Variants in NEGR1 observed in about 807,000 individuals in gnomAD.
NEGR1 encodes the protein IgLON family member 4.
In NEGR1, 10 loss-of-function variants were observed where a neutral mutation model predicts 40.9. The ratio of observed to expected loss-of-function variants is 0.24; its 90% confidence interval spans 0.15 to 0.42. The LOEUF (loss-of-function observed/expected upper bound fraction) is 0.42. NEGR1 is among the 10% of genes least tolerant of loss of function. The pLI, the probability that NEGR1 is intolerant of heterozygous loss-of-function variation, is 1.00. For missense variants in NEGR1, 352 were observed against 438.9 expected, an observed-to-expected ratio of 0.80 and a Z score of 1.77; for synonymous variants, 185 against 166.8, an observed-to-expected ratio of 1.11 and a Z score of -0.84.
intron 3 of NEGR1, among the ~76,000 whole-genome samples, chr1:71,709,435 A>G (rs926899579): frequency 2.6e-5 from 4 of 152,154 alleles, no homozygotes; most frequent in African/African-American, 9.7e-5. Flanking sequence ...TGTCGGCCAC[A>G]TGTATGTCTT....
chr1:71,870,910 T>C (rs1660260837), intron 2 of NEGR1, among the ~76,000 whole-genome samples: 1 of 152,246 alleles, frequency 6.6e-6, no homozygotes, highest in South Asian at 2.1e-4. Context: ...AGATTTTGTA[T>C]GTGCCTTGCC....
At chr1:71,761,482 A>G (rs1196977744) in intron 3 of NEGR1, among the ~76,000 whole-genome samples, 1 of 152,170 alleles carries the variant, frequency 6.6e-6, no homozygotes, top group Non-Finnish European at 1.5e-5. Flanking sequence ...CTACTTTGGA[A>G]ACTATTTTGT....
chr1:71,425,709 G>A (rs1646424568), intron 6 of NEGR1, among the ~76,000 whole-genome samples: 1 of 151,980 alleles, frequency 6.6e-6, no homozygotes, highest in South Asian at 2.1e-4. Context: ...CTAATCCTGG[G>A]AAGCATATAA....
At chr1:71,668,713 A>G (rs7521469) in intron 4 of NEGR1, among the ~76,000 whole-genome samples, 87,125 of 151,812 alleles carry the variant, frequency 0.57, 25,097 homozygotes, top group African/African-American at 0.63. Flanking sequence ...ACCCAGGAAA[A>G]GAACAAAAAA....
chr1:71,969,594 C>T (rs1646239479), intron 1 of NEGR1, among the ~76,000 whole-genome samples: 2 of 152,170 alleles, frequency 1.3e-5, no homozygotes, highest in South Asian at 4.1e-4. Flanking sequence ...TCTCAGTGTG[C>T]TTCCACACTT....
chr1:71,996,865 T>C (rs142875334), intron 1 of NEGR1, among the ~76,000 whole-genome samples: 71 of 152,226 alleles, frequency 4.7e-4, no homozygotes, highest in African/African-American at 1.6e-3. Context: ...GATCTCTCAA[T>C]TGACCTTTTC....
In NEGR1 at chr1:71,399,029, C is replaced by A. The variant is rs1163874662; in HGVS notation, c.*8417G>T. 6.6e-6 allele frequency: 1 copy of A among 152,410 alleles called. No homozygotes were observed. Among genetic ancestry groups the A allele is most frequent in the Non-Finnish European group, 1.5e-5 (1 of 68,274 alleles). 9.4% of individuals were successfully genotyped at this position (152,410 alleles called of 1,614,324 possible). ...ACTGTAGGTCCAAAAAAACCTCTTT[C>A]TTTTGCATATTGCCCTGTCTCGGGT... On this transcript the variant is annotated 3_prime_UTR_variant, in exon 7 of 7. Coordinates refer to ENST00000357731, the MANE Select transcript of NEGR1 (RefSeq NM_173808.3).
At chr1:71,857,884 T>C (rs1366271233) in intron 2 of NEGR1, among the ~76,000 whole-genome samples, 3 of 152,084 alleles carry the variant, frequency 2.0e-5, no homozygotes, top group Admixed American at 6.6e-5. Context: ...GGATTTGTTT[T>C]TGAAAGACTT....
intron 3 of NEGR1, chr1:71,738,297 C>A: frequency 4.0e-6 from 1 of 250,850 alleles, no homozygotes; most frequent in South Asian, 7.1e-5. Context: ...TGAGCCCTGC[C>A]ATGCAGCTGA....
At chr1:71,618,975 T>G (rs1650528970) in intron 4 of NEGR1, among the ~76,000 whole-genome samples, 1 of 152,158 alleles carries the variant, frequency 6.6e-6, no homozygotes, top group Non-Finnish European at 1.5e-5. Flanking sequence ...CCGTGACTTT[T>G]AAGGTGAACT....
At chr1:71,477,510 A>G (rs1426112851) in intron 6 of NEGR1, 1 of 152,164 alleles carries the variant, frequency 6.6e-6, no homozygotes. Context: ...CTTGCCCTCC[A>G]TTAGTACTGT....
At chr1:71,943,428 T>C (rs1161775212) in intron 1 of NEGR1, among the ~76,000 whole-genome samples, 1 of 151,614 alleles carries the variant, frequency 6.6e-6, no homozygotes, top group Non-Finnish European at 1.5e-5. Flanking sequence ...TTTCAAACAT[T>C]AAAATCACTC....
chr1:71,531,698 A>T lies in NEGR1; in HGVS notation c.940+61119T>A, dbSNP rs115614559. ...ACAAAACTTAAACTTTGTGTGCATT[A>T]ACTATAAAATGATTTTAAATAGACC... is the stretch of plus-strand genomic sequence containing the variant. On this transcript the variant is annotated intron_variant, in intron 6 of 6. Coordinates refer to ENST00000357731, the MANE Select transcript of NEGR1 (RefSeq NM_173808.3). Among the ~76,000 whole-genome samples the T allele has an allele frequency of 6.6e-3, 1,000 of 151,520 alleles. 6 individuals carry two copies. The highest frequency in any genetic ancestry group is 0.01 in the Non-Finnish European group (702 of 67,528).
intron 4 of NEGR1, among the ~76,000 whole-genome samples, chr1:71,672,223 A>C (rs1468740133): frequency 6.6e-6 from 1 of 152,138 alleles, no homozygotes; most frequent in Non-Finnish European, 1.5e-5. Context: ...AACCATAGAC[A>C]CAATAGTCAC....
chr1:71,424,643 C>G (rs1325851207), intron 6 of NEGR1, among the ~76,000 whole-genome samples: 1 of 152,032 alleles, frequency 6.6e-6, no homozygotes, highest in African/African-American at 2.4e-5. Flanking sequence ...TGGCAAAAAC[C>G]CAGAGATTAA....
intron 1 of NEGR1, among the ~76,000 whole-genome samples, chr1:72,248,228 C>T (rs1251398330): frequency 6.6e-6 from 1 of 152,104 alleles, no homozygotes; most frequent in Non-Finnish European, 1.5e-5. Context: ...CCAATAGATA[C>T]TCAGTCTTTG....
chr1:71,653,639 T>C (rs1308696316), intron 4 of NEGR1, among the ~76,000 whole-genome samples: 1 of 152,230 alleles, frequency 6.6e-6, no homozygotes, highest in African/African-American at 2.4e-5. Context: ...GGTAGATATT[T>C]ATCACTGGAT....
chr1:71,933,107 T>A (rs561898289), intron 2 of NEGR1, among the ~76,000 whole-genome samples: 1 of 152,092 alleles, frequency 6.6e-6, no homozygotes, highest in Admixed American at 6.6e-5. Context: ...GAATAAAATA[T>A]TAAACTGAAG....
chr1:72,025,081 C>A (rs1646794906), intron 1 of NEGR1, among the ~76,000 whole-genome samples: 1 of 151,922 alleles, frequency 6.6e-6, no homozygotes, highest in South Asian at 2.1e-4. Flanking sequence ...AATTATAGTC[C>A]AAAAACCAAA....
Sources: allele counts gnomAD v4.1 joint callset (sites outside exome capture counted in the v4.1 genomes callset), GRCh38; gene constraint gnomAD v4.1.1; transcripts MANE v1.5; gene names NCBI Gene and HGNC (gene_info 2026-07-23, HGNC 2026-07-21).